FBXW10: variants seen among roughly 807,000 people sequenced by gnomAD.
FBXW10 encodes F-box/WD repeat-containing protein 10.
Under a neutral mutation model 113.1 loss-of-function variants are expected in FBXW10, and 68 were observed. The observed-to-expected ratio is 0.60, with a 90% CI of 0.49 to 0.74. FBXW10 has a LOEUF of 0.74. FBXW10 is among the 30% of genes least tolerant of loss of function. The pLI is 0.00. For missense variants in FBXW10, 753 were observed against 1,284.5 expected, an observed-to-expected ratio of 0.59 and a Z score of 6.32; for synonymous variants, 289 against 481.6, an observed-to-expected ratio of 0.60 and a Z score of 5.24.
At chr17:18,766,596 G>A in intron 8 of FBXW10, 118 bp from the exon 9 acceptor site, 1 of 1,348,800 alleles carries the variant, frequency 7.4e-7, no homozygotes. Flanking sequence ...TCTAGAATCT[G>A]ACTTGATGGG....
Position 18,779,077 on chromosome 17 carries a change from A to C in FBXW10, c.2938A>C (p.Arg980=). 1 of 1,369,136 alleles carries C rather than the reference A, an allele frequency of 7.3e-7. No homozygotes were observed. The highest frequency in any genetic ancestry group is 1.2e-5 in the South Asian group (1 of 86,434). The allele number at this position is 1,369,136 out of a possible 1,614,324, so 84.8% of individuals were successfully genotyped here. A position where few individuals can be genotyped will look rare whatever the true frequency, so the allele number is the denominator to read the frequency against. ...CATCTATACAGCCCTTGATCCTTTT[A>C]GAGTGAACACTGAGTTCGTGCTGTT... ...PRIYTALDPF[R]VNTEFVLLTV... The change falls in exon 14 of 14, where the codon AGA becomes CGA. Residue 980 remains arginine, a synonymous_variant. Transcript: ENST00000395665.
At chr17:18,773,113 A>G (rs1455089419) in intron 12 of FBXW10, among the ~76,000 whole-genome samples, 1 of 150,882 alleles carries the variant, frequency 6.6e-6, no homozygotes, top group Non-Finnish European at 1.5e-5. Flanking sequence ...TTTTTTTTTT[A>G]GTAGAGATGG....
intron 5 of FBXW10, 35 bp downstream of exon 5, chr17:18,751,088 G>A (rs1275849962): frequency 6.2e-7 from 1 of 1,613,128 alleles, no homozygotes; most frequent in Non-Finnish European, 8.5e-7. Context: ...AAGTAGCTGT[G>A]AGCGTCTCAT....
chr17:18,748,236 G>A (rs76656770), intron 2 of FBXW10, 131 bp downstream of exon 2: 115,816 of 1,447,646 alleles, frequency 0.08, 5,159 homozygotes, highest in South Asian at 0.12. Flanking sequence ...TGGCTAACAC[G>A]GTGAAACCCC....
In FBXW10 at chr17:18,761,268, CTTTTTTTT is replaced by C. The variant is rs71284781; in HGVS notation, c.1433+2771_1433+2778del. Among the ~76,000 whole-genome samples, 3 of 140,720 alleles carry C rather than the reference CTTTTTTTT, an allele frequency of 2.1e-5. No individual in the cohort carries two copies. The East Asian group carries it at 6.1e-4, about 29-fold the overall frequency. The allele number at this position is 140,720 out of a possible 152,430, so 92.3% of individuals were successfully genotyped here. Reference sequence around the variant, plus strand: ...GAGGGAAATTCTACTTTTCACTTTTCTTTTTTTTTTTTTTTAAGACGGAGTCTCGCTCT... The same window carrying C: ...GAGGGAAATTCTACTTTTCACTTTTCTTTTTTTAAGACGGAGTCTCGCTCT... On this transcript the variant is annotated intron_variant, in intron 7 of 13. Transcript: ENST00000395665.
chr17:18,777,979 G>A (rs923029167), intron 13 of FBXW10, among the ~76,000 whole-genome samples: 25 of 151,796 alleles, frequency 1.6e-4, no homozygotes, highest in Admixed American at 2.0e-4. Flanking sequence ...GGCCGGCTGC[G>A]GTGGCTCATG....
At chr17:18,772,788 T>C (rs1169341880) in intron 12 of FBXW10, 105 bp downstream of exon 12, 12 of 1,030,850 alleles carry the variant, frequency 1.2e-5, no homozygotes, top group Non-Finnish European at 1.7e-5. Context: ...TGTGGAATAT[T>C]TTGGCCAGTG....
intron 7 of FBXW10, among the ~76,000 whole-genome samples, chr17:18,763,374 T>G (rs183479685): frequency 0.029 from 4,366 of 152,090 alleles, 80 homozygotes; most frequent in Non-Finnish European, 0.045. Context: ...GCCAGGATGG[T>G]CTCGATCTCC....
In FBXW10 at chr17:18,764,868, G is replaced by T; in HGVS notation, c.1555+5G>T. On this transcript the variant is annotated splice_donor_5th_base_variant and intron_variant, in intron 8 of 13. Coordinates refer to ENST00000395665, the MANE Select transcript of FBXW10 (RefSeq NM_001267585.2). ...GAAGAGATTGCCAGGTAAAAGGTGA[G>T]AAAGAAGTGCCTTAAATTTTCTAAG... 6.2e-7 allele frequency: 1 copy of T among 1,613,960 alleles called. No individual in the cohort carries two copies. Among genetic ancestry groups the T allele is most frequent in the Non-Finnish European group, 8.5e-7 (1 of 1,179,858 alleles).
intron 12 of FBXW10, among the ~76,000 whole-genome samples, chr17:18,774,254 G>A (rs914124622): frequency 6.6e-6 from 1 of 152,228 alleles, no homozygotes; most frequent in Admixed American, 6.5e-5. Context: ...ACAAAGGTCT[G>A]GAAGGAATGG....
chr17:18,774,170 G>GGAGTTGCTTAACA (rs2035663318), intron 12 of FBXW10, among the ~76,000 whole-genome samples: 1 of 152,172 alleles, frequency 6.6e-6, no homozygotes, highest in African/African-American at 2.4e-5. Flanking sequence ...AATCACAAGG[G>GGAGTTGCTTAACA]TGTCTATCTC....
chr17:18,772,720 C>A (rs1245853339), intron 12 of FBXW10, 37 bp downstream of exon 12: 5 of 1,583,252 alleles, frequency 3.2e-6, no homozygotes, highest in Non-Finnish European at 4.3e-6. Flanking sequence ...CAGTGATAAC[C>A]CACAGAGCAG....
At chr17:18,766,900 T>C in intron 9 of FBXW10, 38 bp downstream of exon 9, 1 of 1,549,372 alleles carries the variant, frequency 6.5e-7, no homozygotes, top group Non-Finnish European at 8.8e-7. Context: ...GAAAGGGCAC[T>C]GGGGAGGAGA....
intron 10 of FBXW10, chr17:18,769,519 G>C (rs1446205377): frequency 2.4e-5 from 4 of 163,300 alleles, no homozygotes; most frequent in Non-Finnish European, 4.0e-5. Context: ...GCGCACGCCT[G>C]TAATCCCAGC....
chr17:18,775,176 A>G lies in FBXW10; in HGVS notation c.2319A>G (p.Lys773=). 6.2e-7 allele frequency: 1 copy of G among 1,608,580 alleles called. No homozygotes were observed. The highest frequency in any genetic ancestry group is 1.1e-5 in the South Asian group (1 of 90,956). The change falls in exon 13 of 14, where the codon AAA becomes AAG. Residue 773 remains lysine (K), a synonymous_variant. Transcript: ENST00000395665. ...IEELQSQGKS[K]SPRRDADDVE... is the part of the protein sequence containing the mutation. ...AACTTCAAAGTCAAGGAAAGTCAAA[A>G]TCACCCCGAAGAGATGGTAAGAAGA...
chr17:18,776,515 C>T (rs1277714548), intron 13 of FBXW10, among the ~76,000 whole-genome samples: 2 of 152,184 alleles, frequency 1.3e-5, no homozygotes, highest in Non-Finnish European at 2.9e-5. Flanking sequence ...GAGGGCTGCG[C>T]TAACAATGGG....
intron 7 of FBXW10, among the ~76,000 whole-genome samples, chr17:18,760,365 C>A (rs933752404): frequency 2.6e-5 from 4 of 152,184 alleles, no homozygotes; most frequent in African/African-American, 9.7e-5. Flanking sequence ...AGTCCAAAAT[C>A]TGCAGCGTGG....
At chr17:18,746,747 C>T (rs2035044700) in intron 1 of FBXW10, among the ~76,000 whole-genome samples, 1 of 152,140 alleles carries the variant, frequency 6.6e-6, no homozygotes, top group Non-Finnish European at 1.5e-5. Flanking sequence ...CCAGGATCCC[C>T]TCCTGGGCCC....
At chr17:18,747,599 A>G (rs2035062246) in intron 1 of FBXW10, among the ~76,000 whole-genome samples, 1 of 152,088 alleles carries the variant, frequency 6.6e-6, no homozygotes, top group Admixed American at 6.6e-5. Flanking sequence ...TAAATGTTCT[A>G]TTTTGACTCG....
Sources: allele counts gnomAD v4.1 joint callset (sites outside exome capture counted in the v4.1 genomes callset), GRCh38; gene constraint gnomAD v4.1.1; transcripts MANE v1.5; gene names NCBI Gene and HGNC (gene_info 2026-07-23, HGNC 2026-07-21).